Variants in NEBL observed in about 807,000 individuals in gnomAD.
NEBL encodes the protein LIM and SH3 protein 2.
Under a neutral mutation model 140.2 loss-of-function variants are expected in NEBL, and 122 were observed. The ratio of observed to expected loss-of-function variants is 0.87; its 90% CI spans 0.75 to 1.01. The LOEUF (loss-of-function observed/expected upper bound fraction) is 1.01, where lower values mean the gene tolerates loss of function less well. NEBL is among the 50% of genes least tolerant of loss of function. NEBL has a pLI of 0.00. For synonymous variants in NEBL, 436 were observed against 398.9 expected (o/e 1.09, Z -1.11); for missense variants, 1,365 against 1,231.3 (o/e 1.11, Z -1.62).
At chr10:21,248,107 G>A (rs1364322655) in intron 2 of NEBL, 9 of 220,736 alleles carry the variant, frequency 4.1e-5, no homozygotes, top group Non-Finnish European at 7.2e-5. Flanking sequence ...GTCTCATTCT[G>A]TTGCCCAGGC....
chr10:20,940,590 T>C (rs1249875656), intron 4 of NEBL, among the ~76,000 whole-genome samples: 8 of 137,006 alleles, frequency 5.8e-5, no homozygotes, highest in African/African-American at 1.1e-4. Context: ...AAGATCAGAG[T>C]AGAACTGAAG....
At chr10:20,963,667 T>C (rs1424683320) in intron 3 of NEBL, among the ~76,000 whole-genome samples, 3 of 152,114 alleles carry the variant, frequency 2.0e-5, no homozygotes, top group African/African-American at 4.8e-5. Context: ...AGTGCTGGGA[T>C]TGCAGGTATC....
intron 3 of NEBL, among the ~76,000 whole-genome samples, chr10:20,992,259 T>C (rs1036438396): frequency 6.6e-6 from 1 of 152,252 alleles, no homozygotes; most frequent in Non-Finnish European, 1.5e-5. Flanking sequence ...TAGCATCTTT[T>C]GAATGCCATT....
intron 2 of NEBL, among the ~76,000 whole-genome samples, chr10:21,040,232 G>A (rs2131828599): frequency 6.6e-6 from 1 of 152,298 alleles, no homozygotes; most frequent in African/African-American, 2.4e-5. Flanking sequence ...TGGGTATGGT[G>A]GCGGGTGCCT....
chr10:20,858,591 T>C lies in NEBL; in HGVS notation c.799-247A>G, dbSNP rs1409272. ...ACATATTCAGGAAGGGTAATGTCAA[T>C]AGAATAAAGTAATTTTCACAGTAAC... On this transcript the variant is annotated intron_variant, in intron 8 of 27. Transcript: ENST00000377122. 0.66 allele frequency among the ~76,000 whole-genome samples: 100,972 copies of C among 151,994 alleles called. 34,391 individuals carry two copies. The highest frequency in any genetic ancestry group is 0.73 in the Non-Finnish European group (49,816 of 67,948).
chr10:21,203,535 A>C (rs1390068903), intron 3 of NEBL, among the ~76,000 whole-genome samples: 2 of 152,198 alleles, frequency 1.3e-5, no homozygotes, highest in African/African-American at 4.8e-5. Context: ...ACAGCAGCAA[A>C]TGCTTTATTA....
At chr10:20,908,582 T>C (rs540779563) in intron 4 of NEBL, among the ~76,000 whole-genome samples, 1 of 152,300 alleles carries the variant, frequency 6.6e-6, no homozygotes, top group African/African-American at 2.4e-5. Flanking sequence ...TGAGCAGTAG[T>C]GAGCTGGCAA....
At chr10:20,867,449 A>G (rs986005790) in intron 7 of NEBL, among the ~76,000 whole-genome samples, 1 of 152,132 alleles carries the variant, frequency 6.6e-6, no homozygotes, top group Non-Finnish European at 1.5e-5. Context: ...AAAAACTATA[A>G]ATGTGTAAAA....
Position 20,864,031 on chromosome 10 carries a change from T to C in NEBL, c.685-4205A>G, listed in dbSNP as rs114894183. On this transcript the variant is annotated intron_variant, in intron 7 of 27. Transcript: ENST00000377122. ...TTACTACTAAATTTTCATGGCAATT[T>C]ATAATGTGATTTTTAGGTTTAAAAC... 1.9e-3 allele frequency among the ~76,000 whole-genome samples: 285 copies of C among 152,332 alleles called. 1 individual carries two copies. Among genetic ancestry groups the C allele is most frequent in the African/African-American group, 6.5e-3 (271 of 41,584 alleles).
chr10:20,913,769 G>T (rs1848426262), intron 4 of NEBL, among the ~76,000 whole-genome samples: 1 of 152,132 alleles, frequency 6.6e-6, no homozygotes. Flanking sequence ...CTATTTGCCT[G>T]TGGTAGGTTG....
chr10:21,167,778 T>C (rs776098678), intron 2 of NEBL, among the ~76,000 whole-genome samples: 1 of 152,248 alleles, frequency 6.6e-6, no homozygotes, highest in Non-Finnish European at 1.5e-5. Flanking sequence ...ATTAGCTATG[T>C]TTTTTGTCTA....
chr10:21,139,549 A>G (rs951252439), intron 2 of NEBL, among the ~76,000 whole-genome samples: 1 of 152,198 alleles, frequency 6.6e-6, no homozygotes, highest in South Asian at 2.1e-4. Context: ...GTTTAGCCTC[A>G]TGTTGTCATA....
intron 3 of NEBL, among the ~76,000 whole-genome samples, chr10:21,003,461 T>C (rs1288065885): frequency 1.3e-5 from 2 of 152,250 alleles, no homozygotes; most frequent in African/African-American, 4.8e-5. Flanking sequence ...AAAGGATCTT[T>C]TGTTATGAAG....
At chr10:21,261,095 T>C (rs555060370) in intron 1 of NEBL, among the ~76,000 whole-genome samples, 219 of 152,328 alleles carry the variant, frequency 1.4e-3, no homozygotes, top group Non-Finnish European at 1.6e-3. Flanking sequence ...AGTTGTCCGC[T>C]TGAATCACTA....
intron 3 of NEBL, among the ~76,000 whole-genome samples, chr10:21,221,775 G>A (rs1302247841): frequency 2.0e-5 from 3 of 152,144 alleles, no homozygotes; most frequent in African/African-American, 7.2e-5. Flanking sequence ...AGAGTGCCAG[G>A]ATTACAGGCA....
rs979710675 is a variant in NEBL, at chr10:20,785,254, G to A, written c.*493C>T. 33 of 172,566 alleles carry A rather than the reference G, an allele frequency of 1.9e-4. No homozygotes were observed. Among genetic ancestry groups the A allele is most frequent in the East Asian group, 1.7e-3 (11 of 6,346 alleles). 10.7% of individuals were successfully genotyped at this position (172,566 alleles called of 1,614,324 possible). On this transcript the variant is annotated 3_prime_UTR_variant, in exon 28 of 28. Transcript: ENST00000377122. ...ATAATTTTAACCAGACTGTCCTTCTGCCACTGTTTACACTTATTATATTGG... is the reference window on the plus strand; with the variant it reads ...ATAATTTTAACCAGACTGTCCTTCTACCACTGTTTACACTTATTATATTGG...
In NEBL at chr10:20,997,044, T is replaced by C. The variant is rs149718922; in HGVS notation, c.249+23073A>G. The stretch of plus-strand genomic sequence containing the variant: ...AAACATTTAGTTTCAAAAATCCATC[T>C]TTCTACACTGTAACTGAACATAATT... On this transcript the variant is annotated intron_variant, in intron 3 of 6. Transcript: ENST00000417816. Among the ~76,000 whole-genome samples, 8 of 152,338 alleles carry C rather than the reference T, an allele frequency of 5.3e-5. No homozygotes were observed. The East Asian group carries it at 1.3e-3, about 26-fold the overall frequency.
intron 10 of NEBL, among the ~76,000 whole-genome samples, chr10:20,851,073 T>C (rs1301512555): frequency 6.6e-6 from 1 of 152,338 alleles, no homozygotes; most frequent in Admixed American, 6.5e-5. Context: ...AAATGTTTAA[T>C]TCAATTACAG....
chr10:21,180,853 G>A (rs1354959367), intron 3 of NEBL, among the ~76,000 whole-genome samples: 1 of 152,114 alleles, frequency 6.6e-6, no homozygotes, highest in African/African-American at 2.4e-5. Flanking sequence ...ATCATAGGAG[G>A]CAAGAAAGGG....
Sources: allele counts gnomAD v4.1 joint callset (sites outside exome capture counted in the v4.1 genomes callset), GRCh38; gene constraint gnomAD v4.1.1; transcripts MANE v1.5; gene names NCBI Gene and HGNC (gene_info 2026-07-23, HGNC 2026-07-21).